The following ST3GAL5 variants were observed in gnomAD, a reference collection of about 807,000 sequenced individuals.
ST3GAL5 encodes lactosylceramide alpha-2,3-sialyltransferase.
Under a neutral mutation model 46.1 loss-of-function variants are expected in ST3GAL5, and 25 were observed. That is an observed-to-expected ratio of 0.54 (90% CI 0.40 to 0.76). ST3GAL5 has a LOEUF of 0.76. Among genes scored for constraint, ST3GAL5 ranks in the 30% least tolerant of loss-of-function variants. The probability of loss-of-function intolerance (pLI) is 0.00; values close to 1 mark genes in which losing one functional copy is unlikely to be tolerated. For synonymous variants in ST3GAL5, 182 were observed against 192.7 expected, an observed-to-expected ratio of 0.94 and a Z score of 0.46; for missense variants, 431 against 521.2, an observed-to-expected ratio of 0.83 and a Z score of 1.69.
At chr2:85,880,592 G>A (rs530795453) in intron 1 of ST3GAL5, among the ~76,000 whole-genome samples, 1 of 152,322 alleles carries the variant, frequency 6.6e-6, no homozygotes, top group Non-Finnish European at 1.5e-5. Context: ...GGGAGGCTGA[G>A]GTGGGTGGAT....
Position 85,846,654 on chromosome 2 carries a change from G to A in ST3GAL5, c.663-91C>T, listed in dbSNP as rs146033100. The A allele has an allele frequency of 8.4e-3, 10,468 of 1,242,206 alleles. 122 individuals carry two copies. Among genetic ancestry groups the A allele is most frequent in the Non-Finnish European group, 7.9e-3 (6,735 of 851,242 alleles). 76.9% of individuals were successfully genotyped at this position (1,242,206 alleles called of 1,614,324 possible). A position where few individuals can be genotyped will look rare whatever the true frequency, so the allele number is the denominator to read the frequency against. On this transcript the variant is annotated intron_variant, in intron 4 of 6. Transcript: ENST00000638572. ...GCAGTATCCATGTCATGTCCTCCAC[G>A]TCTTCTTATGACTAAGAATGAGTGC...
rs144432132 is a variant in ST3GAL5 at position 85,857,606 on chromosome 2, G to C, written c.318+3575C>G. Among the ~76,000 whole-genome samples, 551 of 151,994 alleles carry C rather than the reference G, an allele frequency of 3.6e-3. 4 individuals carry two copies. Among genetic ancestry groups the C allele is most frequent in the African/African-American group, 0.013 (520 of 41,466 alleles). ...TACCCAAGGACCTGTGAGGGGTTGA[G>C]TGTGCCTAAAATACATAGAGTTGGG... is the stretch of plus-strand genomic sequence containing the variant. On this transcript the variant is annotated intron_variant, in intron 3 of 6. Transcript: ENST00000638572.
intron 1 of ST3GAL5, 32 bp downstream of exon 1, chr2:85,888,792 C>G: frequency 1.7e-6 from 2 of 1,189,580 alleles, no homozygotes; most frequent in Non-Finnish European, 2.1e-6. Context: ...CGCGGGCCCC[C>G]GCGACGCCGA....
Position 85,839,070 on chromosome 2 carries a change from C to A in ST3GAL5, c.*1074G>T, listed in dbSNP as rs951454150. The A allele has an allele frequency of 3.3e-5, 5 of 152,162 alleles. No homozygotes were observed. Among genetic ancestry groups the A allele is most frequent in the African/African-American group, 4.8e-5 (2 of 41,420 alleles). 9.4% of individuals were successfully genotyped at this position (152,162 alleles called of 1,614,324 possible). A position where few individuals can be genotyped will look rare whatever the true frequency, so the allele number is the denominator to read the frequency against. On this transcript the variant is annotated 3_prime_UTR_variant, in exon 7 of 7. Transcript: ENST00000638572. ...CTACTGGCATCCACAGAGAGGTCTC[C>A]GCCTAGCAGCAGCATCCAAGAAGGA...
At chr2:85,844,360 C>T in intron 6 of ST3GAL5, 36 bp downstream of exon 6, 1 of 1,614,012 alleles carries the variant, frequency 6.2e-7, no homozygotes, top group Non-Finnish European at 8.5e-7. Context: ...GCCCCTCAAA[C>T]AGGGAATGAT....
At chr2:85,852,987 G>T (rs1205000781) in intron 3 of ST3GAL5, 1 of 1,304,262 alleles carries the variant, frequency 7.7e-7, no homozygotes, top group Admixed American at 2.3e-5. Context: ...TTCCTTTAAA[G>T]GCACGGTGTA....
chr2:85,854,733 G>A (rs1333245327), intron 3 of ST3GAL5: 1 of 152,194 alleles, frequency 6.6e-6, no homozygotes, highest in East Asian at 1.9e-4. Context: ...TGCATATTAA[G>A]TAATGTAAGA....
chr2:85,863,988 G>A (rs1685007630), intron 1 of ST3GAL5, among the ~76,000 whole-genome samples: 1 of 152,184 alleles, frequency 6.6e-6, no homozygotes, highest in African/African-American at 2.4e-5. Flanking sequence ...TTACATGCAT[G>A]AGCCACTGCA....
At position 85,863,263 on chromosome 2, in the gene ST3GAL5, C is replaced by T. The variant is rs373309440; in HGVS notation, c.206+99G>A. ...CATCCTTTGACCAAGCATGCCTCTCCAACATTAGCCATCTTGAGGGCTCTC... is the reference window on the plus strand; with the variant it reads ...CATCCTTTGACCAAGCATGCCTCTCTAACATTAGCCATCTTGAGGGCTCTC... On this transcript the variant is annotated intron_variant, in intron 2 of 6. Coordinates refer to ENST00000638572, the MANE Select transcript of ST3GAL5 (RefSeq NM_003896.4). 561 of 1,603,560 alleles carry T rather than the reference C, an allele frequency of 3.5e-4. 10 individuals carry two copies. The South Asian group carries it at 5.4e-3, about 15-fold the overall frequency.
intron 1 of ST3GAL5, chr2:85,888,557 C>G: frequency 3.9e-6 from 1 of 253,960 alleles, no homozygotes; most frequent in Non-Finnish European, 7.4e-6. Context: ...AGGGCCACTG[C>G]GGCGGGACCC....
intron 6 of ST3GAL5, chr2:85,840,594 G>A (rs1339349896): frequency 1.6e-6 from 1 of 633,160 alleles, no homozygotes; most frequent in African/African-American, 1.8e-5. Context: ...AACATGGTCT[G>A]TGATGTTCAC....
At chr2:85,878,627 C>T (rs1432655397) in intron 1 of ST3GAL5, among the ~76,000 whole-genome samples, 1 of 152,168 alleles carries the variant, frequency 6.6e-6, no homozygotes, top group East Asian at 1.9e-4. Context: ...CTTTGTTTAC[C>T]TAACAATCCT....
intron 6 of ST3GAL5, 130 bp downstream of exon 6, chr2:85,844,266 T>C: frequency 8.6e-7 from 1 of 1,162,784 alleles, no homozygotes; most frequent in South Asian, 1.3e-5. Context: ...TAAACACACA[T>C]GGAGCATCTA....
At chr2:85,854,755 C>T (rs1683912991) in intron 3 of ST3GAL5, 1 of 152,198 alleles carries the variant, frequency 6.6e-6, no homozygotes, top group African/African-American at 2.4e-5. Flanking sequence ...GTTAAGCACA[C>T]AGCCCCTGTC....
chr2:85,886,630 T>A (rs1687795064), intron 1 of ST3GAL5, among the ~76,000 whole-genome samples: 1 of 152,164 alleles, frequency 6.6e-6, no homozygotes, highest in Admixed American at 6.5e-5. Flanking sequence ...AAAGCTGATT[T>A]TTCTCCTGCT....
At chr2:85,888,792 C>A in intron 1 of ST3GAL5, 32 bp downstream of exon 1, 1 of 1,189,580 alleles carries the variant, frequency 8.4e-7, no homozygotes, top group South Asian at 4.0e-5. Flanking sequence ...CGCGGGCCCC[C>A]GCGACGCCGA....
intron 1 of ST3GAL5, among the ~76,000 whole-genome samples, chr2:85,882,100 C>T (rs551724970): frequency 1.3e-5 from 2 of 152,252 alleles, no homozygotes; most frequent in Admixed American, 6.5e-5. Context: ...GTGGAAGCCC[C>T]AAGCCTTGGC....
At chr2:85,869,967 G>C (rs1685740900) in intron 1 of ST3GAL5, 2 of 341,438 alleles carry the variant, frequency 5.9e-6, no homozygotes, top group Non-Finnish European at 1.2e-5. Flanking sequence ...CGCACACATA[G>C]CCTCCGTTCA....
chr2:85,845,063 C>T, intron 5 of ST3GAL5: 1 of 217,488 alleles, frequency 4.6e-6, no homozygotes, highest in Non-Finnish European at 9.3e-6. Flanking sequence ...TTTGTCATCA[C>T]ATGGAGTTTA....
Sources: allele counts gnomAD v4.1 joint callset (sites outside exome capture counted in the v4.1 genomes callset), GRCh38; gene constraint gnomAD v4.1.1; transcripts MANE v1.5; gene names NCBI Gene and HGNC (gene_info 2026-07-23, HGNC 2026-07-21).